CDC42BPB: variants seen among roughly 807,000 people sequenced by gnomAD.
CDC42BPB encodes CDC42 binding protein kinase beta, also known as serine/threonine-protein kinase MRCK beta.
In CDC42BPB, 37 loss-of-function variants were observed where a neutral mutation model predicts 214.9. The observed-to-expected ratio is 0.17, with a 90% CI of 0.13 to 0.23. CDC42BPB has a LOEUF of 0.23. CDC42BPB is among the 10% of genes least tolerant of loss of function. CDC42BPB has a pLI of 1.00. For synonymous variants in CDC42BPB, 931 were observed against 884.0 expected (o/e 1.05, Z -0.94); for missense variants, 1,694 against 2,227.0 (o/e 0.76, Z 4.82).
chr14:102,959,460 T>C (rs1339972790), intron 21 of CDC42BPB, among the ~76,000 whole-genome samples, 171 bp downstream of exon 21: 1 of 152,166 alleles, frequency 6.6e-6, no homozygotes, highest in South Asian at 2.1e-4. Flanking sequence ...ATGCGTTTAA[T>C]GTGGGTTGAT....
chr14:102,957,484 A>G (rs1892763171), intron 21 of CDC42BPB, among the ~76,000 whole-genome samples: 1 of 152,204 alleles, frequency 6.6e-6, no homozygotes, highest in South Asian at 2.1e-4. Context: ...TCCTCCCCAC[A>G]GCAGTGCCCG....
intron 9 of CDC42BPB, among the ~76,000 whole-genome samples, chr14:102,977,478 T>C (rs1184380820): frequency 6.6e-6 from 1 of 152,048 alleles, no homozygotes; most frequent in Admixed American, 6.6e-5. Flanking sequence ...ATTTCACCTC[T>C]CTTTCTTCCT....
At chr14:102,983,525 C>T (rs34038913) in intron 7 of CDC42BPB, 31 bp downstream of exon 7, 1,901 of 1,553,438 alleles carry the variant, frequency 1.2e-3, no homozygotes, top group Non-Finnish European at 1.4e-3. Context: ...GAGCCAGGTA[C>T]CAAAAAAAAA....
chr14:102,935,520 T>C (rs1315287541), intron 36 of CDC42BPB, among the ~76,000 whole-genome samples: 2 of 152,178 alleles, frequency 1.3e-5, no homozygotes, highest in South Asian at 2.1e-4. Flanking sequence ...CCGGGTATAG[T>C]GCCTCACGCC....
At chr14:102,939,184 C>T (rs946496320) in intron 34 of CDC42BPB, among the ~76,000 whole-genome samples, 1 of 151,908 alleles carries the variant, frequency 6.6e-6, no homozygotes, top group Non-Finnish European at 1.5e-5. Flanking sequence ...CGTGATCCGC[C>T]CGCCTCGGCC....
intron 30 of CDC42BPB, chr14:102,941,205 G>A (rs926918261): frequency 2.2e-5 from 22 of 985,326 alleles, no homozygotes; most frequent in Non-Finnish European, 2.5e-5. Flanking sequence ...TTGCAGAAAC[G>A]CAGAGCTGGG....
chr14:102,952,860 G>C (rs1892549537), intron 23 of CDC42BPB: 2 of 446,560 alleles, frequency 4.5e-6, no homozygotes, highest in African/African-American at 2.1e-5. Context: ...AGCGAGGTCA[G>C]CTGGGCCAGA....
chr14:102,934,219 T>C, intron 36 of CDC42BPB: 1 of 191,310 alleles, frequency 5.2e-6, no homozygotes, highest in Non-Finnish European at 1.0e-5. Context: ...GCCAATGTGG[T>C]AACACCCCAT....
intron 7 of CDC42BPB, among the ~76,000 whole-genome samples, chr14:102,981,736 C>CCT (rs1566879093): frequency 6.6e-6 from 1 of 152,152 alleles, no homozygotes; most frequent in African/African-American, 2.4e-5. Flanking sequence ...AAGATCGTGC[C>CCT]ACTGCACTCC....
chr14:102,952,788 G>A (rs970290190), intron 23 of CDC42BPB, 185 bp from the exon 24 acceptor site: 14 of 939,448 alleles, frequency 1.5e-5, no homozygotes, highest in African/African-American at 8.9e-5. Context: ...AACCACCTAC[G>A]AGCCTGAGCC....
At chr14:103,030,748 C>G (rs182502076) in intron 1 of CDC42BPB, among the ~76,000 whole-genome samples, 2 of 152,108 alleles carry the variant, frequency 1.3e-5, no homozygotes, top group East Asian at 3.9e-4. Context: ...ACTGTGGGAG[C>G]TGAGACAGGT....
chr14:102,980,637 G>T, intron 8 of CDC42BPB, 136 bp downstream of exon 8: 1 of 761,750 alleles, frequency 1.3e-6, no homozygotes, highest in Non-Finnish European at 2.2e-6. Context: ...CTGAAGGCTG[G>T]AATAAAAAGC....
At position 103,007,771 on chromosome 14, in the gene CDC42BPB, T is replaced by C. The variant is rs1333299335; in HGVS notation, c.351+701A>G. Among the ~76,000 whole-genome samples, 3 of 146,092 alleles carry C rather than the reference T, an allele frequency of 2.1e-5. No homozygotes were observed. In the East Asian group the frequency reaches 5.9e-4, roughly 29 times the overall value. On this transcript the variant is annotated intron_variant, in intron 3 of 36. Transcript: ENST00000361246. ...GGGAGTCACGGGAGAGGATGGAGCA[T>C]GATGGACGGAGCAGATCTGAAGCAG...
At chr14:102,999,471 A>C in intron 5 of CDC42BPB, 94 bp downstream of exon 5, 1 of 1,302,086 alleles carries the variant, frequency 7.7e-7, no homozygotes, top group South Asian at 1.3e-5. Flanking sequence ...CGCTACCTAC[A>C]TGGCTTCTTG....
chr14:102,977,339 CAAAAAAAAAAAA>C (rs56368090), intron 9 of CDC42BPB, among the ~76,000 whole-genome samples: 10 of 85,110 alleles, frequency 1.2e-4, no homozygotes, highest in African/African-American at 3.8e-4. Flanking sequence ...ACTCCGTCTC[CAAAAAAAAAAAA>C]AAAAAAAAAA....
intron 6 of CDC42BPB, chr14:102,983,976 G>C (rs112780507): frequency 2.5e-6 from 2 of 793,854 alleles, no homozygotes; most frequent in African/African-American, 3.7e-5. Context: ...AACCGCTTGA[G>C]CCCAGGAGCT....
At chr14:102,971,033 GGCTGCA>G (rs1384279224) in intron 13 of CDC42BPB, among the ~76,000 whole-genome samples, 3 of 152,150 alleles carry the variant, frequency 2.0e-5, no homozygotes, top group Non-Finnish European at 4.4e-5. Context: ...GGCGGCACAG[GGCTGCA>G]AACCCTGGGG....
chr14:103,053,614 T>C (rs1302239582), intron 1 of CDC42BPB, among the ~76,000 whole-genome samples: 1 of 150,330 alleles, frequency 6.7e-6, no homozygotes, highest in South Asian at 2.1e-4. Flanking sequence ...ACAAAAAAAT[T>C]AGCCAGGCGT....
chr14:102,956,619 T>C (rs1222654761), intron 21 of CDC42BPB, among the ~76,000 whole-genome samples: 1 of 149,628 alleles, frequency 6.7e-6, no homozygotes, highest in African/African-American at 2.5e-5. Flanking sequence ...CACCTGAGGT[T>C]AGGAGTTTGA....
Sources: gnomAD v4.1 joint callset for allele counts (sites outside exome capture counted in the v4.1 genomes callset) on GRCh38, gnomAD v4.1.1 for gene constraint, MANE v1.5 for transcripts, NCBI Gene and HGNC (gene_info 2026-07-23, HGNC 2026-07-21) for gene names.